The following CSMD1 variants were observed in gnomAD, a reference collection of about 807,000 sequenced individuals.
CSMD1 encodes the protein CUB and sushi domain-containing protein 1.
CSMD1 carries 213 observed loss-of-function variants against 417.5 expected under a neutral mutation model. That is an observed-to-expected ratio of 0.51 (90% CI 0.46 to 0.57). The LOEUF (loss-of-function observed/expected upper bound fraction) is 0.57. Among genes scored for constraint, CSMD1 ranks in the 20% least tolerant of loss-of-function variants. CSMD1 has a pLI of 0.00. For synonymous variants in CSMD1, 2,862 were observed against 1,736.8 expected, an observed-to-expected ratio of 1.65 and a Z score of -16.11; for missense variants, 6,923 against 4,529.7, an observed-to-expected ratio of 1.53 and a Z score of -15.17.
In CSMD1 at chr8:3,671,281, C is replaced by T. The variant is rs532383219; in HGVS notation, c.1009+37133G>A. ...ATGTATATATATATATATGATGTGC[C>T]TGGACACATCACAGGCACCTGATAA... is the stretch of plus-strand genomic sequence containing the variant. On this transcript the variant is annotated intron_variant, in intron 7 of 69. Transcript: ENST00000635120. Among the ~76,000 whole-genome samples the T allele has an allele frequency of 1.2e-4, 17 of 146,546 alleles. 1 individual carries two copies. The South Asian group carries it at 3.6e-3, about 31-fold the overall frequency.
At chr8:3,728,366 T>C (rs1401407991) in intron 6 of CSMD1, among the ~76,000 whole-genome samples, 2 of 152,180 alleles carry the variant, frequency 1.3e-5, no homozygotes, top group African/African-American at 2.4e-5. Flanking sequence ...ACCTCGTTCC[T>C]TTATCAATTA....
intron 11 of CSMD1, among the ~76,000 whole-genome samples, chr8:3,485,877 A>T (rs1818005186): frequency 6.6e-6 from 1 of 152,296 alleles, no homozygotes; most frequent in East Asian, 1.9e-4. Flanking sequence ...ATCAAGGTGA[A>T]TATCCTGGTT....
intron 26 of CSMD1, among the ~76,000 whole-genome samples, chr8:3,253,736 C>T (rs533132998): frequency 6.6e-5 from 10 of 152,206 alleles, no homozygotes; most frequent in Admixed American, 3.9e-4. Flanking sequence ...GGTAGATCTT[C>T]CTCCATCCTT....
At chr8:4,193,940 T>C (rs1017575692) in intron 3 of CSMD1, among the ~76,000 whole-genome samples, 13 of 151,768 alleles carry the variant, frequency 8.6e-5, no homozygotes, top group African/African-American at 2.4e-4. Flanking sequence ...TGGTGGGAGG[T>C]GGGGCTGCAG....
intron 5 of CSMD1, among the ~76,000 whole-genome samples, chr8:3,941,259 T>G (rs1810864010): frequency 6.6e-6 from 1 of 152,184 alleles, no homozygotes; most frequent in Admixed American, 6.5e-5. Context: ...AGCTGAAACC[T>G]GACTTGCTGA....
At chr8:3,484,382 G>A (rs1274340728) in intron 11 of CSMD1, among the ~76,000 whole-genome samples, 2 of 152,176 alleles carry the variant, frequency 1.3e-5, no homozygotes, top group Non-Finnish European at 2.9e-5. Flanking sequence ...TACACGAACT[G>A]CCAGGCAAAC....
At chr8:3,286,970 G>A (rs1255012158) in intron 25 of CSMD1, among the ~76,000 whole-genome samples, 9 of 152,134 alleles carry the variant, frequency 5.9e-5, no homozygotes, top group South Asian at 2.1e-4. Flanking sequence ...TAACATTTAA[G>A]TCTTTAATCC....
intron 5 of CSMD1, among the ~76,000 whole-genome samples, chr8:3,869,801 T>G (rs993344503): frequency 3.9e-5 from 6 of 152,108 alleles, no homozygotes; most frequent in Admixed American, 2.0e-4. Context: ...GATGGGAGCT[T>G]GCCAGATTTC....
At chr8:4,940,249 T>C (rs1194074614) in intron 1 of CSMD1, among the ~76,000 whole-genome samples, 2 of 152,076 alleles carry the variant, frequency 1.3e-5, no homozygotes, top group East Asian at 1.9e-4. Flanking sequence ...AGAACAGAAA[T>C]AGTGTGAGCA....
intron 3 of CSMD1, among the ~76,000 whole-genome samples, chr8:4,127,890 G>A (rs771010453): frequency 7.9e-5 from 12 of 152,100 alleles, no homozygotes; most frequent in Non-Finnish European, 1.6e-4. Context: ...AATGGTGAAG[G>A]CAGAATTAAA....
At chr8:3,954,760 G>C (rs1276795860) in intron 5 of CSMD1, among the ~76,000 whole-genome samples, 2 of 151,750 alleles carry the variant, frequency 1.3e-5, no homozygotes, top group African/African-American at 2.4e-5. Context: ...TCAGAACTGA[G>C]CATGCGTAAT....
At chr8:3,445,733 T>C (rs1236368876) in intron 12 of CSMD1, among the ~76,000 whole-genome samples, 1 of 152,008 alleles carries the variant, frequency 6.6e-6, no homozygotes, top group Non-Finnish European at 1.5e-5. Context: ...TTTATTCGAA[T>C]AAAGTCCACA....
chr8:3,242,834 T>C (rs28769359), intron 26 of CSMD1, among the ~76,000 whole-genome samples: 1 of 129,718 alleles, frequency 7.7e-6, no homozygotes, highest in Admixed American at 8.0e-5. Flanking sequence ...GGGGCGCAGA[T>C]ATAAGAGGTC....
At position 4,110,743 on chromosome 8, in the gene CSMD1, G is replaced by C. The variant is rs1801809137; in HGVS notation, c.416-78644C>G. On this transcript the variant is annotated intron_variant, in intron 3 of 69. Transcript: ENST00000635120. Reference sequence around the variant, plus strand: ...CCTTTCTCATGCTCTCAACCATCCAGAGGTTCATGAACTCAGATTACAGAC... The same window carrying C: ...CCTTTCTCATGCTCTCAACCATCCACAGGTTCATGAACTCAGATTACAGAC... Among the ~76,000 whole-genome samples, 3 of 152,024 alleles carry C rather than the reference G, an allele frequency of 2.0e-5. 1 individual carries two copies. Among genetic ancestry groups the C allele is most frequent in the Middle Eastern group, 6.8e-3 (2 of 294 alleles).
At chr8:4,717,296 T>G (rs1277623636) in intron 1 of CSMD1, among the ~76,000 whole-genome samples, 1 of 132,414 alleles carries the variant, frequency 7.6e-6, no homozygotes. Context: ...CCTGCCCTTC[T>G]CTCTCTCTCT....
At chr8:4,866,874 A>T (rs1349385419) in intron 1 of CSMD1, among the ~76,000 whole-genome samples, 1 of 151,974 alleles carries the variant, frequency 6.6e-6, no homozygotes, top group African/African-American at 2.4e-5. Context: ...AAACTTTTAC[A>T]TTTTGTGACC....
intron 18 of CSMD1, among the ~76,000 whole-genome samples, chr8:3,373,012 A>T (rs1810071244): frequency 6.6e-6 from 1 of 152,208 alleles, no homozygotes; most frequent in South Asian, 2.1e-4. Flanking sequence ...ATAATTTCTC[A>T]AATTTTTATG....
At chr8:4,976,447 G>A (rs934811866) in intron 1 of CSMD1, among the ~76,000 whole-genome samples, 1 of 152,054 alleles carries the variant, frequency 6.6e-6, no homozygotes, top group East Asian at 1.9e-4. Context: ...ATACAATTTT[G>A]ACAAAAAATA....
chr8:4,025,761 G>A (rs531315919), intron 4 of CSMD1, among the ~76,000 whole-genome samples: 1 of 152,092 alleles, frequency 6.6e-6, no homozygotes, highest in Non-Finnish European at 1.5e-5. Context: ...TGTGATGTTT[G>A]TTCCCTGTTT....
Sources: allele counts gnomAD v4.1 joint callset (sites outside exome capture counted in the v4.1 genomes callset), GRCh38; gene constraint gnomAD v4.1.1; transcripts MANE v1.5; gene names NCBI Gene and HGNC (gene_info 2026-07-23, HGNC 2026-07-21).